The following ZC3H12B variants were observed in gnomAD, a reference collection of about 807,000 sequenced individuals.
ZC3H12B encodes the protein probable ribonuclease ZC3H12B.
A neutral mutation model predicts 43.9 loss-of-function variants in ZC3H12B; 7 were observed. The observed-to-expected ratio is 0.16, with a 90% CI of 0.09 to 0.30. ZC3H12B has a LOEUF of 0.30. Among genes scored for constraint, ZC3H12B ranks in the 10% least tolerant of loss-of-function variants. ZC3H12B has a pLI of 1.00. For missense variants in ZC3H12B, 475 were observed against 670.2 expected, an observed-to-expected ratio of 0.71 and a Z score of 3.22; for synonymous variants, 222 against 241.7, an observed-to-expected ratio of 0.92 and a Z score of 0.76.
chrX:65,502,566 A>G, exon 5 of ZC3H12B: 1 of 1,210,607 alleles, frequency 8.3e-7, no homozygotes, highest in South Asian at 1.8e-5. Flanking sequence ...GCATCCCAGA[A>G]CCGACTTCAG....
At chrX:65,153,653 A>G in the ZC3H12B span, among the ~76,000 whole-genome samples, 3 of 112,320 alleles carry the variant, frequency 2.7e-5, no homozygotes, top group East Asian at 2.8e-4. Context: ...TAGTTCAACC[A>G]TTGTGGAAGT....
At chrX:65,203,849 T>G in the ZC3H12B span, among the ~76,000 whole-genome samples, 1 of 111,551 alleles carries the variant, frequency 9.0e-6, no homozygotes, top group African/African-American at 3.2e-5. Context: ...CTTTCACATA[T>G]GTTGAGGACC....
At chrX:65,046,875 T>C in the ZC3H12B span, among the ~76,000 whole-genome samples, 77 of 111,093 alleles carry the variant, frequency 6.9e-4, no homozygotes, top group Non-Finnish European at 9.1e-4. Flanking sequence ...AATATTGTTA[T>C]GTCTCACAGG....
At chrX:65,202,148 A>AATATATATTTTCTAT in the ZC3H12B span, among the ~76,000 whole-genome samples, 7 of 68,435 alleles carry the variant, frequency 1.0e-4, no homozygotes, top group African/African-American at 2.9e-3. Flanking sequence ...ATATAATATG[A>AATATATATTTTCTAT]AATATATATT....
intron 3 of ZC3H12B, among the ~76,000 whole-genome samples, chrX:65,474,048 C>A (rs925524423): frequency 9.0e-6 from 1 of 111,532 alleles, no homozygotes; most frequent in East Asian, 2.8e-4. Flanking sequence ...AATGCTGTAT[C>A]TGATATTGTG....
At chrX:65,448,899 G>C (rs111900569) in intron 3 of ZC3H12B, among the ~76,000 whole-genome samples, 1 of 81,640 alleles carries the variant, frequency 1.2e-5, no homozygotes, top group East Asian at 3.3e-4. Flanking sequence ...GAAAGAAAGA[G>C]AGAGAGAAAG....
rs191284215 is a variant in ZC3H12B at position 65,389,636 on chromosome X, A to T, written n.296-8957A>T. On this transcript the variant is annotated intron_variant and non_coding_transcript_variant, in intron 2 of 5. Coordinates refer to the ZC3H12B transcript ENST00000617377. The stretch of plus-strand genomic sequence containing the variant: ...CTCATGCTTGGTGCACTGCACCCAC[A>T]GTCCTGCACCCACTTTCCAACACTC... Among the ~76,000 whole-genome samples, 258 of 112,663 alleles carry T rather than the reference A, an allele frequency of 2.3e-3. 2 individuals carry two copies. The highest frequency in any genetic ancestry group is 8.0e-3 in the African/African-American group (247 of 31,055).
intron 3 of ZC3H12B, among the ~76,000 whole-genome samples, chrX:65,476,701 G>T (rs2067995592): frequency 9.0e-6 from 1 of 110,745 alleles, no homozygotes; most frequent in Admixed American, 9.6e-5. Flanking sequence ...ATATAGAGAG[G>T]TCCTAGGTGA....
the ZC3H12B span, among the ~76,000 whole-genome samples, chrX:65,294,332 A>G: frequency 1.8e-5 from 2 of 111,953 alleles, no homozygotes; most frequent in African/African-American, 6.5e-5. Context: ...CCAAGCCAGC[A>G]CTACAAGAAG....
At chrX:65,402,854 G>A (rs984775594) in intron 3 of ZC3H12B, among the ~76,000 whole-genome samples, 7 of 112,018 alleles carry the variant, frequency 6.2e-5, no homozygotes, top group Admixed American at 9.5e-5. Flanking sequence ...AAATAAGGAC[G>A]GGTATAAACA....
the ZC3H12B span, among the ~76,000 whole-genome samples, chrX:65,204,384 G>T: frequency 6.3e-5 from 7 of 111,543 alleles, no homozygotes; most frequent in African/African-American, 2.0e-4. Flanking sequence ...AGCGAGTTTA[G>T]ATTTAACTAG....
the ZC3H12B span, among the ~76,000 whole-genome samples, chrX:65,306,760 G>C: frequency 8.9e-6 from 1 of 112,109 alleles, no homozygotes; most frequent in Non-Finnish European, 1.9e-5. Context: ...CTCCAAAAAG[G>C]AAAATAACCC....
chrX:65,272,822 A>G, the ZC3H12B span: 1 of 112,274 alleles, frequency 8.9e-6, no homozygotes, highest in African/African-American at 3.2e-5. Context: ...ACTGGCCTGA[A>G]TCACATTTCT....
chrX:65,318,038 G>T, the ZC3H12B span, among the ~76,000 whole-genome samples: 2 of 108,806 alleles, frequency 1.8e-5, no homozygotes, highest in African/African-American at 6.7e-5. Context: ...GCAGATATCC[G>T]GTAGTGGGAT....
At chrX:65,091,517 C>G in the ZC3H12B span, among the ~76,000 whole-genome samples, 1 of 112,134 alleles carries the variant, frequency 8.9e-6, no homozygotes, top group African/African-American at 3.2e-5. Context: ...ATTATTCTAG[C>G]CTGTCAAGTT....
chrX:65,264,524 G>A, the ZC3H12B span, among the ~76,000 whole-genome samples: 2 of 111,468 alleles, frequency 1.8e-5, no homozygotes, highest in Non-Finnish European at 3.8e-5. Flanking sequence ...GAGGGAAGTG[G>A]CAGACATAGA....
chrX:65,318,213 C>T, the ZC3H12B span, among the ~76,000 whole-genome samples: 2 of 107,108 alleles, frequency 1.9e-5, no homozygotes, highest in South Asian at 4.1e-4. Context: ...TTGATTATGG[C>T]CATTCTTGCA....
At chrX:65,099,439 AC>A in the ZC3H12B span, among the ~76,000 whole-genome samples, 6 of 110,942 alleles carry the variant, frequency 5.4e-5, no homozygotes, top group Middle Eastern at 4.7e-3. Context: ...ACTGGGAGAA[AC>A]CTCCCAATGG....
At chrX:65,437,199 G>A (rs2067231932) in intron 3 of ZC3H12B, among the ~76,000 whole-genome samples, 1 of 110,910 alleles carries the variant, frequency 9.0e-6, no homozygotes, top group African/African-American at 3.3e-5. Flanking sequence ...TGATCCACCG[G>A]CCTCGGCCTC....
Sources: gnomAD v4.1 joint callset for allele counts (sites outside exome capture counted in the v4.1 genomes callset) on GRCh38, gnomAD v4.1.1 for gene constraint, MANE v1.5 for transcripts, NCBI Gene and HGNC (gene_info 2026-07-23, HGNC 2026-07-21) for gene names.